The following ZFHX3 variants were observed in gnomAD, a reference collection of about 807,000 sequenced individuals.
ZFHX3 encodes zinc finger homeobox 3.
A neutral mutation model predicts 279.1 loss-of-function variants in ZFHX3; 42 were observed. That is an observed-to-expected ratio of 0.15 (90% CI 0.12 to 0.19). The LOEUF (loss-of-function observed/expected upper bound fraction) is 0.19. ZFHX3 is among the 10% of genes least tolerant of loss of function. The pLI is 1.00. For synonymous variants in ZFHX3, 2,293 were observed against 1,957.8 expected (o/e 1.17, Z -4.52); for missense variants, 4,981 against 4,754.0 (o/e 1.05, Z -1.40).
rs762134796 is a variant in ZFHX3 at position 73,780,111 on chromosome 16, A to ATTTT, written c.-1607-99875_-1607-99872dup. On this transcript the variant is annotated intron_variant, in intron 1 of 17. Coordinates refer to the ZFHX3 transcript ENST00000641206. ...AACCAGCAAAACTCACTGCATTTGA[A>ATTTT]TTTTTTTTTTTTTTTTTTTTTTTTT... is the stretch of plus-strand genomic sequence containing the variant. 9.0e-5 allele frequency among the ~76,000 whole-genome samples: 3 copies of ATTTT among 33,214 alleles called. 1 individual carries two copies. The allele number at this position is 33,214 out of a possible 152,430, so 21.8% of individuals were successfully genotyped here.
chr16:73,127,749 T>G (rs1345672384), intron 7 of ZFHX3: 5 of 595,600 alleles, frequency 8.4e-6, no homozygotes, highest in African/African-American at 2.0e-5. Flanking sequence ...AGTTGGACAA[T>G]GCCTGGTCCT....
chr16:73,245,494 T>G (rs1021241407), intron 5 of ZFHX3, among the ~76,000 whole-genome samples: 1 of 152,146 alleles, frequency 6.6e-6, no homozygotes, highest in African/African-American at 2.4e-5. Context: ...CCAGGCATGT[T>G]GGATGAATAA....
intron 5 of ZFHX3, among the ~76,000 whole-genome samples, chr16:73,222,053 ACATCTCTGATTGTTTCTCAGAG>A (rs2012439142): frequency 6.6e-6 from 1 of 152,062 alleles, no homozygotes; most frequent in African/African-American, 2.4e-5. Flanking sequence ...TCTTTTTTTC[ACATCTCTGATTGTTTCTCAGAG>A]CTTCTTACAT....
chr16:73,319,165 G>A (rs1000588021), intron 3 of ZFHX3, among the ~76,000 whole-genome samples: 3 of 152,110 alleles, frequency 2.0e-5, no homozygotes, highest in Non-Finnish European at 4.4e-5. Context: ...TGCGCCATGT[G>A]CAAGAAAGCA....
At chr16:72,963,411 T>A (rs906062276) in intron 1 of ZFHX3, among the ~76,000 whole-genome samples, 2 of 152,178 alleles carry the variant, frequency 1.3e-5, no homozygotes, top group Admixed American at 1.3e-4. Context: ...ATAGAGCACA[T>A]CTCTCCAGTG....
intron 5 of ZFHX3, among the ~76,000 whole-genome samples, chr16:73,181,689 A>G (rs1394739462): frequency 3.3e-5 from 5 of 152,194 alleles, no homozygotes; most frequent in Admixed American, 6.5e-5. Context: ...GGGACAAATG[A>G]GCTTTAATGA....
At chr16:73,170,222 A>ATTTT (rs1323820575) in intron 5 of ZFHX3, among the ~76,000 whole-genome samples, 10 of 36,846 alleles carry the variant, frequency 2.7e-4, no homozygotes, top group African/African-American at 4.5e-4. Context: ...TCCTTTCACT[A>ATTTT]GTTTTTTTTT....
intron 2 of ZFHX3, among the ~76,000 whole-genome samples, chr16:73,574,966 T>C (rs1207966464): frequency 1.3e-5 from 2 of 152,202 alleles, no homozygotes; most frequent in Non-Finnish European, 2.9e-5. Flanking sequence ...CTTTGTTCCA[T>C]CTTTAAGTGT....
intron 1 of ZFHX3, among the ~76,000 whole-genome samples, chr16:72,961,396 A>G (rs1961571505): frequency 6.6e-6 from 1 of 152,212 alleles, no homozygotes. Context: ...CTGCTCCTGC[A>G]GTAATATCAT....
chr16:73,726,926 G>C (rs1295335134), intron 1 of ZFHX3, among the ~76,000 whole-genome samples: 1 of 152,172 alleles, frequency 6.6e-6, no homozygotes, highest in Non-Finnish European at 1.5e-5. Context: ...CTAGCACGTT[G>C]CCCTCCAGTT....
chr16:73,819,015 T>G (rs946001449), intron 1 of ZFHX3, among the ~76,000 whole-genome samples: 2 of 152,144 alleles, frequency 1.3e-5, no homozygotes, highest in Non-Finnish European at 2.9e-5. Flanking sequence ...ATGAAGTTGA[T>G]CTCTGTGTCC....
intron 5 of ZFHX3, among the ~76,000 whole-genome samples, chr16:73,211,812 G>C (rs2012028036): frequency 6.6e-6 from 1 of 152,068 alleles, no homozygotes; most frequent in African/African-American, 2.4e-5. Context: ...GGTGTTTTGT[G>C]AACCAGGAGT....
At chr16:73,779,791 C>T (rs1448913390) in intron 1 of ZFHX3, among the ~76,000 whole-genome samples, 2 of 152,222 alleles carry the variant, frequency 1.3e-5, no homozygotes, top group East Asian at 3.9e-4. Flanking sequence ...AATCTCGGCT[C>T]AATGCAACCT....
At position 72,856,007 on chromosome 16, in the gene ZFHX3, A is replaced by C. The variant is rs2037745696; in HGVS notation, c.3449-26148T>G. ...ACAGAGGTTGCCTTTCATTAACAAA[A>C]GGCGCTTGTGTTTAGACTGCAATTA... On this transcript the variant is annotated intron_variant, in intron 4 of 9. Coordinates refer to ENST00000268489, the MANE Select transcript of ZFHX3 (RefSeq NM_006885.4). Among the ~76,000 whole-genome samples, 4 of 152,240 alleles carry C rather than the reference A, an allele frequency of 2.6e-5. No homozygotes were observed. The South Asian group carries it at 8.3e-4, about 31-fold the overall frequency.
At chr16:73,541,423 C>T (rs2020008898) in intron 2 of ZFHX3, among the ~76,000 whole-genome samples, 1 of 152,024 alleles carries the variant, frequency 6.6e-6, no homozygotes, top group Middle Eastern at 3.4e-3. Flanking sequence ...GAGGTCGAGG[C>T]TACAGTGAGC....
intron 1 of ZFHX3, among the ~76,000 whole-genome samples, chr16:73,878,925 G>A: frequency 7.4e-6 from 1 of 135,742 alleles, no homozygotes; most frequent in East Asian, 2.0e-4. Flanking sequence ...ATCCTTCACT[G>A]TTCAAAAAAG....
chr16:72,998,011 G>A (rs974482933), intron 1 of ZFHX3, among the ~76,000 whole-genome samples: 1 of 152,156 alleles, frequency 6.6e-6, no homozygotes, highest in African/African-American at 2.4e-5. Context: ...GAGCCTGGGA[G>A]GTGGAGGCTG....
rs1330904505 is a variant in ZFHX3, at chr16:73,741,054, C to T, written c.-1607-60814G>A. ...TTTTTTTTTTTTTTTTTTTTTGAGACGGAGTCTCACTCTGTTGCCCAGGCT... is the reference window on the plus strand; with the variant it reads ...TTTTTTTTTTTTTTTTTTTTTGAGATGGAGTCTCACTCTGTTGCCCAGGCT... On this transcript the variant is annotated intron_variant, in intron 1 of 17. Coordinates refer to the ZFHX3 transcript ENST00000641206. Among the ~76,000 whole-genome samples, 43 of 104,652 alleles carry T rather than the reference C, an allele frequency of 4.1e-4. No individual in the cohort carries two copies. In the Admixed American group the frequency reaches 5.1e-3, roughly 12 times the overall value. The allele number at this position is 104,652 out of a possible 152,430, so 68.7% of individuals were successfully genotyped here.
intron 1 of ZFHX3, among the ~76,000 whole-genome samples, chr16:72,999,681 A>G (rs1963424192): frequency 6.6e-6 from 1 of 152,196 alleles, no homozygotes; most frequent in African/African-American, 2.4e-5. Flanking sequence ...TGGGCACGAT[A>G]CAAGTCAGAC....
Sources: gnomAD v4.1 joint callset for allele counts (sites outside exome capture counted in the v4.1 genomes callset) on GRCh38, gnomAD v4.1.1 for gene constraint, MANE v1.5 for transcripts, NCBI Gene and HGNC (gene_info 2026-07-23, HGNC 2026-07-21) for gene names.